The following KIF21B variants were observed in gnomAD, a reference collection of about 807,000 sequenced individuals.
KIF21B encodes the protein kinesin-like protein KIF21B.
In KIF21B, 85 loss-of-function variants were observed where a neutral mutation model predicts 192.9. The ratio of observed to expected loss-of-function variants is 0.44; its 90% confidence interval spans 0.37 to 0.53. The LOEUF is 0.53. Among genes scored for constraint, KIF21B ranks in the 20% least tolerant of loss-of-function variants. The pLI is 0.00. For synonymous variants in KIF21B, 832 were observed against 884.6 expected, an observed-to-expected ratio of 0.94 and a Z score of 1.05; for missense variants, 1,716 against 2,194.8, an observed-to-expected ratio of 0.78 and a Z score of 4.36.
chr1:200,986,197 C>T (rs1558003989), intron 26 of KIF21B, among the ~76,000 whole-genome samples: 1 of 151,984 alleles, frequency 6.6e-6, no homozygotes, highest in African/African-American at 2.4e-5. Flanking sequence ...GAAAGCTCCC[C>T]AGAACCTATG....
In KIF21B at chr1:201,004,332, C is replaced by A. The variant is rs1267366919; in HGVS notation, c.1016+8G>T. On this transcript the variant is annotated splice_region_variant and intron_variant, in intron 7 of 34. Coordinates refer to ENST00000461742, the MANE Select transcript of KIF21B (RefSeq NM_001252102.2). ...CTGTCCCTTCCCTGGGTGTTGGTCA[C>A]CAGATACCTGTTGCCCCCCAGCGAA... is the stretch of plus-strand genomic sequence containing the variant. The A allele has an allele frequency of 1.3e-6, 2 of 1,554,046 alleles. No individual in the cohort carries two copies. Among genetic ancestry groups the A allele is most frequent in the Middle Eastern group, 1.7e-4 (1 of 5,852 alleles).
At chr1:200,981,810 C>T (rs748722373) in intron 28 of KIF21B, among the ~76,000 whole-genome samples, 3 of 152,120 alleles carry the variant, frequency 2.0e-5, no homozygotes, top group Non-Finnish European at 4.4e-5. Context: ...AACACCTCCT[C>T]GCTCCCATGA....
chr1:200,992,894 A>ATGACAATCATGAGAGAGGCATTATCG (rs2102416813), intron 15 of KIF21B, among the ~76,000 whole-genome samples: 1 of 152,342 alleles, frequency 6.6e-6, no homozygotes, highest in Admixed American at 6.5e-5. Flanking sequence ...CACCCTCCTC[A>ATGACAATCATGAGAGAGGCATTATCG]TGACAATCAT....
chr1:200,979,815 AT>A, intron 29 of KIF21B, 100 bp from the exon 30 acceptor site: 2 of 980,852 alleles, frequency 2.0e-6, no homozygotes, highest in Non-Finnish European at 1.4e-6. Context: ...GGGGAAAGGG[AT>A]CCACAGGGCT....
In KIF21B at chr1:201,014,255, G is replaced by A. The variant is rs536478091; in HGVS notation, c.42-4767C>T. Among the ~76,000 whole-genome samples, 22 of 152,358 alleles carry A rather than the reference G, an allele frequency of 1.4e-4. No individual in the cohort carries two copies. In the South Asian group the frequency reaches 4.3e-3, roughly 30 times the overall value. ...ACGCGGAGGCCAGGGACATGCGGGC[G>A]GCTGGGGAGCCCCTATCCTCCCAGG... On this transcript the variant is annotated intron_variant, in intron 1 of 34. Transcript: ENST00000461742.
intron 25 of KIF21B, 33 bp downstream of exon 25, chr1:200,986,963 C>T (rs1558004633): frequency 5.0e-6 from 8 of 1,612,400 alleles, no homozygotes; most frequent in Non-Finnish European, 6.8e-6. Context: ...ACTCCACCTC[C>T]ACTCCAACCC....
rs1658570891 is a variant in KIF21B at position 201,017,423 on chromosome 1, C to T, written c.41+5920G>A. On this transcript the variant is annotated intron_variant, in intron 1 of 34. Transcript: ENST00000461742. The surrounding 1 kb of genome is among the most constrained non-coding windows in gnomAD (Gnocchi z 4.1). Reference sequence around the variant, plus strand: ...AGGGTAAACCCAGCCCAGGGAAGTACTGCTCAGCTGTGCTGCAGCGCCACT... The same window carrying T: ...AGGGTAAACCCAGCCCAGGGAAGTATTGCTCAGCTGTGCTGCAGCGCCACT... 6.6e-6 allele frequency among the ~76,000 whole-genome samples: 1 copy of T among 152,146 alleles called. No homozygotes were observed. Among genetic ancestry groups the T allele is most frequent in the South Asian group, 2.1e-4 (1 of 4,828 alleles).
chr1:200,987,190 T>C lies in KIF21B; in HGVS notation c.3420A>G (p.Lys1140=). The part of the protein sequence containing the change: ...HDDFKFKSEP[K]LSAQMKAVSA... ...ACACAGCTTTCATTTGGGCAGACAGTTTGGGCTCGCTCTGGGAAAAGAAGA... is the reference window on the plus strand; with the variant it reads ...ACACAGCTTTCATTTGGGCAGACAGCTTGGGCTCGCTCTGGGAAAAGAAGA... Residue 1140 remains lysine (K), a synonymous_variant, in exon 25 of 35, where the codon AAA becomes AAG. Coordinates refer to ENST00000461742, the MANE Select transcript of KIF21B (RefSeq NM_001252102.2). The C allele has an allele frequency of 6.2e-7, 1 of 1,612,738 alleles. No homozygotes were observed. Among genetic ancestry groups the C allele is most frequent in the Non-Finnish European group, 8.5e-7 (1 of 1,179,418 alleles).
intron 28 of KIF21B, 74 bp from the exon 29 acceptor site, chr1:200,981,170 T>C: frequency 6.7e-7 from 1 of 1,494,050 alleles, no homozygotes; most frequent in Non-Finnish European, 8.9e-7. Flanking sequence ...AAGGCACGTG[T>C]GTGGGATGGG....
At chr1:200,974,094 G>C in intron 34 of KIF21B, 1 of 1,612,828 alleles carries the variant, frequency 6.2e-7, no homozygotes, top group East Asian at 2.2e-5. Context: ...GTTGGGGAGG[G>C]TCAGGGCAGG....
rs562691949 is a variant in KIF21B at position 201,000,302 on chromosome 1, C to G, written c.1685+88G>C. 7 of 1,318,228 alleles carry G rather than the reference C, an allele frequency of 5.3e-6. No individual in the cohort carries two copies. Among genetic ancestry groups the G allele is most frequent in the Non-Finnish European group, 7.2e-6 (7 of 967,260 alleles). 81.7% of individuals were successfully genotyped at this position (1,318,228 alleles called of 1,614,324 possible). A position where few individuals can be genotyped will look rare whatever the true frequency, so the allele number is the denominator to read the frequency against. ...GGGCGTGGAGGTTCCCTCCTAAACA[C>G]TGGTGGGCAGCAGTCCTCCTTGGGG... On this transcript the variant is annotated intron_variant, in intron 11 of 34. Coordinates refer to ENST00000461742, the MANE Select transcript of KIF21B (RefSeq NM_001252102.2). This position sits in a 1 kb window ranked among gnomAD's most constrained non-coding sequence, Gnocchi z 6.0.
rs371053876 is a variant in KIF21B, at chr1:200,987,059, C to T, written c.3551G>A (p.Arg1184Gln). The T allele has an allele frequency of 1.7e-5, 28 of 1,614,008 alleles. 1 individual carries two copies. Among genetic ancestry groups the T allele is most frequent in the East Asian group, 1.1e-4 (5 of 44,872 alleles). Reference sequence around the variant, plus strand: ...GACCCTGTCCCGGTAATAGGGGTCTCGGACAGAGAAGCCCACTCCGTCCTC... The same window carrying T: ...GACCCTGTCCCGGTAATAGGGGTCTTGGACAGAGAAGCCCACTCCGTCCTC... ...IKEDGVGFSVRDPYYRDRVSR... is the reference protein window; with the variant it reads ...IKEDGVGFSVQDPYYRDRVSR... The change falls in exon 25 of 35, where the codon CGA becomes CAA. Residue 1184 changes from arginine (R) to glutamine (Q), a missense_variant. This residue lies in a region of KIF21B where 580 missense variants were observed against 775.5 expected (regional missense o/e 0.75). Transcript: ENST00000461742.
intron 3 of KIF21B, among the ~76,000 whole-genome samples, chr1:201,008,549 C>G (rs1658046940): frequency 6.6e-6 from 1 of 152,182 alleles, no homozygotes; most frequent in African/African-American, 2.4e-5. Context: ...ATCATACAGT[C>G]ATCAACTCAA....
chr1:200,996,175 C>T (rs1180545104), intron 15 of KIF21B, 21 bp downstream of exon 15: 1 of 1,611,526 alleles, frequency 6.2e-7, no homozygotes, highest in Non-Finnish European at 8.5e-7. Flanking sequence ...AGGCCCCACT[C>T]CTCACACCCT....
At chr1:201,020,598 TG>T (rs1355923279) in intron 1 of KIF21B, among the ~76,000 whole-genome samples, 1 of 152,170 alleles carries the variant, frequency 6.6e-6, no homozygotes, top group Non-Finnish European at 1.5e-5. Context: ...GTGGGGCTTT[TG>T]GGGTCTGCTC....
At chr1:200,993,760 C>T (rs796339010) in intron 15 of KIF21B, among the ~76,000 whole-genome samples, 1 of 68,862 alleles carries the variant, frequency 1.5e-5, no homozygotes. Context: ...TAAAACAAAA[C>T]AAAACAAAAA....
At position 200,971,679 on chromosome 1, in the gene KIF21B, G is replaced by A. The variant is rs1655218431; in HGVS notation, c.*1842C>T. The A allele has an allele frequency of 6.6e-6, 1 of 152,412 alleles. No individual in the cohort carries two copies. The allele number at this position is 152,412 out of a possible 1,614,324, so 9.4% of individuals were successfully genotyped here. On this transcript the variant is annotated 3_prime_UTR_variant, in exon 35 of 35. Transcript: ENST00000461742. ...CTGACAGACTGTTCAGGTCCCAGGAGACCAGCATCCAAGGGGGTCTCCTTC... is the reference window on the plus strand; with the variant it reads ...CTGACAGACTGTTCAGGTCCCAGGAAACCAGCATCCAAGGGGGTCTCCTTC...
At chr1:200,995,872 G>A (rs1265580837) in intron 15 of KIF21B, among the ~76,000 whole-genome samples, 1 of 152,160 alleles carries the variant, frequency 6.6e-6, no homozygotes, top group Non-Finnish European at 1.5e-5. Flanking sequence ...GCGCAGACCC[G>A]AAGCGAGTAT....
At chr1:200,997,708 C>T (rs769867521) in intron 14 of KIF21B, among the ~76,000 whole-genome samples, 6 of 152,112 alleles carry the variant, frequency 3.9e-5, no homozygotes, top group Non-Finnish European at 7.3e-5. Context: ...CGCCACTGCA[C>T]TCCAGCCTGG....
Sources: gnomAD v4.1 joint callset for allele counts (sites outside exome capture counted in the v4.1 genomes callset) on GRCh38, gnomAD v4.1.1 for gene constraint, gnomAD v4.1.1 regional missense constraint, Gnocchi (gnomAD v3.1) non-coding constraint, MANE v1.5 for transcripts, NCBI Gene and HGNC (gene_info 2026-07-23, HGNC 2026-07-21) for gene names.